Variants in FRMD4B observed in about 807,000 individuals in gnomAD.
FRMD4B encodes the protein FERM domain-containing protein 4B.
FRMD4B carries 74 observed loss-of-function variants against 141.5 expected under a neutral mutation model. That is an observed-to-expected ratio of 0.52 (90% CI 0.43 to 0.63). The LOEUF (loss-of-function observed/expected upper bound fraction) is 0.63. Ranked by LOEUF, FRMD4B falls within the 30% of genes least tolerant of loss-of-function variation. The probability of loss-of-function intolerance (pLI) is 0.00; values close to 1 mark genes in which losing one functional copy is unlikely to be tolerated. For synonymous variants in FRMD4B, 506 were observed against 467.9 expected, an observed-to-expected ratio of 1.08 and a Z score of -1.05; for missense variants, 1,366 against 1,253.4, an observed-to-expected ratio of 1.09 and a Z score of -1.36.
At chr3:69,451,118 C>T (rs549394803) in intron 1 of FRMD4B, among the ~76,000 whole-genome samples, 9 of 152,122 alleles carry the variant, frequency 5.9e-5, no homozygotes, top group Non-Finnish European at 1.2e-4. Context: ...CAGGAACCAG[C>T]AGGGCCCCAG....
rs1194280377 is a variant in FRMD4B at position 69,193,891 on chromosome 3, T to C, written c.1489-18A>G. The C allele has an allele frequency of 8.8e-6, 13 of 1,480,758 alleles. No homozygotes were observed. Among genetic ancestry groups the C allele is most frequent in the East Asian group, 2.3e-5 (1 of 44,300 alleles). The allele number at this position is 1,480,758 out of a possible 1,614,324, so 91.7% of individuals were successfully genotyped here. On this transcript the variant is annotated intron_variant, in intron 16 of 22. Coordinates refer to ENST00000398540, the MANE Select transcript of FRMD4B (RefSeq NM_015123.3). ...GCAGGATCCTGCATTTATACAATGA[T>C]AGTTTTATTTTTATGGACACATACA... is the stretch of plus-strand genomic sequence containing the variant.
At chr3:69,463,936 G>A (rs1263621667) in intron 1 of FRMD4B, among the ~76,000 whole-genome samples, 2 of 152,196 alleles carry the variant, frequency 1.3e-5, no homozygotes, top group African/African-American at 4.8e-5. Context: ...GAAGATGATT[G>A]ATCACTTATT....
Position 69,215,284 on chromosome 3 carries a change from CTTTTTTTT to C in FRMD4B, c.876+971_876+978del, listed in dbSNP as rs577275162. 3.3e-4 allele frequency among the ~76,000 whole-genome samples: 15 copies of C among 45,224 alleles called. 1 individual carries two copies. The highest frequency in any genetic ancestry group is 1.4e-3 in the East Asian group (3 of 2,124). The allele number at this position is 45,224 out of a possible 152,430, so 29.7% of individuals were successfully genotyped here. A position where few individuals can be genotyped will look rare whatever the true frequency, so the allele number is the denominator to read the frequency against. ...TCCAAATCTGATAGATTGTGACCCT[CTTTTTTTT>C]TTTTTTTTTTTTTTTTTTGAGATGG... On this transcript the variant is annotated intron_variant, in intron 11 of 22. Coordinates refer to ENST00000398540, the MANE Select transcript of FRMD4B (RefSeq NM_015123.3).
intron 2 of FRMD4B, among the ~76,000 whole-genome samples, chr3:69,431,745 T>A (rs1174139305): frequency 6.6e-6 from 1 of 152,224 alleles, no homozygotes; most frequent in Admixed American, 6.5e-5. Context: ...CGTCCTTGAC[T>A]GCTACATCTC....
chr3:69,524,225 G>C (rs1442348578), intron 1 of FRMD4B, among the ~76,000 whole-genome samples: 1 of 152,150 alleles, frequency 6.6e-6, no homozygotes, highest in African/African-American at 2.4e-5. Context: ...ATCTTTCACT[G>C]ATTGTTGACC....
At position 69,169,942 on chromosome 3, in the gene FRMD4B, A is replaced by G. The variant is rs2092567567; in HGVS notation, c.*1919T>C. The G allele has an allele frequency of 1.3e-5, 2 of 152,290 alleles. No homozygotes were observed. The highest frequency in any genetic ancestry group is 4.1e-4 in the South Asian group (2 of 4,820). 9.4% of individuals were successfully genotyped at this position (152,290 alleles called of 1,614,324 possible). On this transcript the variant is annotated 3_prime_UTR_variant, in exon 23 of 23. Coordinates refer to ENST00000398540, the MANE Select transcript of FRMD4B (RefSeq NM_015123.3). ...AATAAACAACATTCCCAAGATTAAAAAACCTAAAAGTTCTCACCAGTCATC... is the reference window on the plus strand; with the variant it reads ...AATAAACAACATTCCCAAGATTAAAGAACCTAAAAGTTCTCACCAGTCATC...
intron 1 of FRMD4B, among the ~76,000 whole-genome samples, chr3:69,515,594 T>C (rs1004250257): frequency 3.9e-5 from 6 of 152,194 alleles, no homozygotes; most frequent in Admixed American, 3.3e-4. Context: ...TTGAGATCTC[T>C]TTCATTAGGC....
chr3:69,515,034 G>A (rs1053934452), intron 1 of FRMD4B, among the ~76,000 whole-genome samples: 1 of 152,214 alleles, frequency 6.6e-6, no homozygotes. Flanking sequence ...CAATGGGATA[G>A]AGTAGAGGTC....
intron 1 of FRMD4B, among the ~76,000 whole-genome samples, chr3:69,467,560 A>G (rs954468618): frequency 6.6e-6 from 1 of 152,210 alleles, no homozygotes; most frequent in Non-Finnish European, 1.5e-5. Context: ...TACCAGCTAC[A>G]TGACTGTGAG....
At chr3:69,512,740 T>C (rs1706709366) in intron 1 of FRMD4B, among the ~76,000 whole-genome samples, 1 of 152,222 alleles carries the variant, frequency 6.6e-6, no homozygotes, top group East Asian at 1.9e-4. Flanking sequence ...AAGTAGTCTC[T>C]AACTGTGCAT....
intron 1 of FRMD4B, among the ~76,000 whole-genome samples, chr3:69,453,831 CAGAA>C (rs1222180933): frequency 6.6e-6 from 1 of 152,100 alleles, no homozygotes; most frequent in East Asian, 1.9e-4. Flanking sequence ...TGATGTGTAC[CAGAA>C]AGAAATTCAG....
At chr3:69,208,931 G>T (rs571522161) in intron 11 of FRMD4B, among the ~76,000 whole-genome samples, 1 of 152,206 alleles carries the variant, frequency 6.6e-6, no homozygotes, top group South Asian at 2.1e-4. Flanking sequence ...GGATCAGGAG[G>T]TCAGGGGTTC....
At chr3:69,263,187 G>A (rs111390118) in intron 5 of FRMD4B, among the ~76,000 whole-genome samples, 5,309 of 152,144 alleles carry the variant, frequency 0.035, 153 homozygotes, top group East Asian at 0.1. Flanking sequence ...AACCCGGGAG[G>A]TGGAGGTTGC....
At chr3:69,196,187 G>A (rs1351906025) in intron 14 of FRMD4B, 68 bp downstream of exon 14, 27 of 1,191,510 alleles carry the variant, frequency 2.3e-5, no homozygotes, top group Non-Finnish European at 3.2e-5. Flanking sequence ...GAATTTCGAA[G>A]TGGTTTATGA....
intron 1 of FRMD4B, among the ~76,000 whole-genome samples, chr3:69,333,738 G>A (rs570755684): frequency 6.6e-6 from 1 of 152,154 alleles, no homozygotes; most frequent in South Asian, 2.1e-4. Flanking sequence ...GGTCCATTTT[G>A]CTGGCTTCAT....
Position 69,470,872 on chromosome 3 carries a change from A to G in FRMD4B, c.-128-38111T>C, listed in dbSNP as rs777912013. Among the ~76,000 whole-genome samples, 95 of 152,206 alleles carry G rather than the reference A, an allele frequency of 6.2e-4. 1 individual carries two copies. Among genetic ancestry groups the G allele is most frequent in the Non-Finnish European group, 3.5e-4 (24 of 68,020 alleles). ...AATAAGAGAATCAACATTTTATGTAAGCACTTAGGCTAAATAAGTAGTAGT... is the reference window on the plus strand; with the variant it reads ...AATAAGAGAATCAACATTTTATGTAGGCACTTAGGCTAAATAAGTAGTAGT... On this transcript the variant is annotated intron_variant, in intron 1 of 5. Coordinates refer to the FRMD4B transcript ENST00000459638.
chr3:69,421,995 A>T (rs1264850237), intron 2 of FRMD4B, among the ~76,000 whole-genome samples: 2 of 152,254 alleles, frequency 1.3e-5, no homozygotes, highest in Non-Finnish European at 2.9e-5. Flanking sequence ...GTTGCATTTA[A>T]ATTGGTTTCT....
chr3:69,518,181 G>A (rs1700796437), intron 1 of FRMD4B, among the ~76,000 whole-genome samples: 1 of 152,068 alleles, frequency 6.6e-6, no homozygotes, highest in South Asian at 2.1e-4. Flanking sequence ...CAATGTGTAT[G>A]CCTTTGTCAA....
chr3:69,326,725 G>C (rs1187829539), intron 1 of FRMD4B, among the ~76,000 whole-genome samples: 1 of 152,200 alleles, frequency 6.6e-6, no homozygotes, highest in Non-Finnish European at 1.5e-5. Flanking sequence ...GGAAAAATCA[G>C]GGTATATATC....
Sources: allele counts gnomAD v4.1 joint callset (sites outside exome capture counted in the v4.1 genomes callset), GRCh38; gene constraint gnomAD v4.1.1; transcripts MANE v1.5; gene names NCBI Gene and HGNC (gene_info 2026-07-23, HGNC 2026-07-21).